The following B3GALNT2 variants were observed in gnomAD, a reference collection of about 807,000 sequenced individuals.
The protein encoded by B3GALNT2 is beta-1,3-N-acetylgalactosaminyltransferase 2.
A neutral mutation model predicts 61.1 loss-of-function variants in B3GALNT2; 53 were observed. The observed-to-expected ratio is 0.87, with a 90% CI of 0.70 to 1.09. B3GALNT2 has a LOEUF of 1.09. Among genes scored for constraint, B3GALNT2 ranks in the 50% least tolerant of loss-of-function variants. The pLI, the probability that B3GALNT2 is intolerant of heterozygous loss-of-function variation, is 0.00. For missense variants in B3GALNT2, 544 were observed against 623.0 expected (o/e 0.87, Z 1.35); for synonymous variants, 223 against 237.4 (o/e 0.94, Z 0.56).
chr1:235,458,461 G>A lies in B3GALNT2; in HGVS notation c.1025+142C>T, dbSNP rs1683267104. On this transcript the variant is annotated intron_variant, in intron 8 of 11. Transcript: ENST00000366600. ...CCTACTCAGGAGGCTAAGGCAGGAGGTTTGCCTGCACTCAGGAGTTCAAGA... is the reference window on the plus strand; with the variant it reads ...CCTACTCAGGAGGCTAAGGCAGGAGATTTGCCTGCACTCAGGAGTTCAAGA... The A allele has an allele frequency of 4.8e-6, 5 of 1,051,426 alleles. No individual in the cohort carries two copies. The Admixed American group carries it at 1.4e-4, about 30-fold the overall frequency. The allele number at this position is 1,051,426 out of a possible 1,614,324, so 65.1% of individuals were successfully genotyped here. A position where few individuals can be genotyped will look rare whatever the true frequency, so the allele number is the denominator to read the frequency against.
intron 10 of B3GALNT2, 83 bp from the exon 11 acceptor site, chr1:235,453,229 TA>T: frequency 7.6e-7 from 1 of 1,323,894 alleles, no homozygotes; most frequent in East Asian, 2.3e-5. Context: ...ACTCCCATCA[TA>T]AACCACCTTT....
chr1:235,503,048 A>ATTAGATTGTTTT (rs1296916709), intron 1 of B3GALNT2, among the ~76,000 whole-genome samples: 1 of 152,262 alleles, frequency 6.6e-6, no homozygotes, highest in East Asian at 1.9e-4. Context: ...AGAGATTGTT[A>ATTAGATTGTTTT]CCAAAATAAC....
downstream of B3GALNT2, among the ~76,000 whole-genome samples, chr1:235,445,987 A>G (rs933933096): frequency 6.6e-6 from 1 of 152,128 alleles, no homozygotes; most frequent in Non-Finnish European, 1.5e-5. Context: ...GTGGCTATTT[A>G]AATTCATTAA....
At chr1:235,467,634 C>T (rs1267614486) in intron 6 of B3GALNT2, among the ~76,000 whole-genome samples, 1 of 151,356 alleles carries the variant, frequency 6.6e-6, no homozygotes, top group Non-Finnish European at 1.5e-5. Flanking sequence ...CGCCTGCCAG[C>T]ACACCTGGCT....
At position 235,449,381 on chromosome 1, in the gene B3GALNT2, G is replaced by C. The variant is rs1682754568; in HGVS notation, c.*825C>G. 1 of 153,236 alleles carries C rather than the reference G, an allele frequency of 6.5e-6. No individual in the cohort carries two copies. Among genetic ancestry groups the C allele is most frequent in the Non-Finnish European group, 1.5e-5 (1 of 68,786 alleles). The allele number at this position is 153,236 out of a possible 1,614,324, so 9.5% of individuals were successfully genotyped here. ...ATTAGGTAAACATTAGGCAATGATAGGAGGAAAGCAAAACTAATTCTTTCA... is the reference window on the plus strand; with the variant it reads ...ATTAGGTAAACATTAGGCAATGATACGAGGAAAGCAAAACTAATTCTTTCA... On this transcript the variant is annotated 3_prime_UTR_variant, in exon 12 of 12. Transcript: ENST00000366600.
At chr1:235,486,895 G>T (rs113048650) in intron 3 of B3GALNT2, among the ~76,000 whole-genome samples, 1 of 152,160 alleles carries the variant, frequency 6.6e-6, no homozygotes, top group Non-Finnish European at 1.5e-5. Context: ...GAGGCCAGGC[G>T]TGGTGGCTCA....
At chr1:235,495,650 C>G (rs1314996440) in intron 1 of B3GALNT2, among the ~76,000 whole-genome samples, 1 of 152,050 alleles carries the variant, frequency 6.6e-6, no homozygotes, top group Non-Finnish European at 1.5e-5. Flanking sequence ...CCTTAGAAGA[C>G]AGAAGAGAAA....
Position 235,449,095 on chromosome 1 carries a change from T to A in B3GALNT2, c.*1111A>T. 1 of 303,446 alleles carries A rather than the reference T, an allele frequency of 3.3e-6. No homozygotes were observed. The highest frequency in any genetic ancestry group is 2.2e-5 in the African/African-American group (1 of 45,672). 18.8% of individuals were successfully genotyped at this position (303,446 alleles called of 1,614,324 possible). On this transcript the variant is annotated 3_prime_UTR_variant, in exon 12 of 12. Coordinates refer to ENST00000366600, the MANE Select transcript of B3GALNT2 (RefSeq NM_152490.5). ...ATCTGAACACAGTTAATATCTGTCA[T>A]AAGACTAGTTTTAATGGAATTCTCT...
At chr1:235,492,852 G>A (rs1336000064) in intron 2 of B3GALNT2, among the ~76,000 whole-genome samples, 2 of 152,178 alleles carry the variant, frequency 1.3e-5, no homozygotes, top group African/African-American at 4.8e-5. Context: ...AAATGCAAAG[G>A]CCCTGAGGTA....
chr1:235,460,730 T>C (rs1019790724), intron 7 of B3GALNT2, among the ~76,000 whole-genome samples: 23 of 151,918 alleles, frequency 1.5e-4, no homozygotes, highest in African/African-American at 5.3e-4. Flanking sequence ...CCTGTCACCA[T>C]ACCCAGGAAA....
Position 235,455,590 on chromosome 1 carries a change from TC to T in B3GALNT2, c.1119del (p.Asn374IlefsTer14). 1 of 1,612,298 alleles carries T rather than the reference TC, an allele frequency of 6.2e-7. No individual in the cohort carries two copies. Among genetic ancestry groups the T allele is most frequent in the Non-Finnish European group, 8.5e-7 (1 of 1,178,324 alleles). On this transcript the variant is annotated frameshift_variant, in exon 9 of 12. Coordinates refer to ENST00000366600, the MANE Select transcript of B3GALNT2 (RefSeq NM_152490.5). LOFTEE classifies it high-confidence loss of function. ...CACCAAAAATTAGGCCCATCCAGATTCTTTTGGACAATCCTATTAAATACAG... is the reference window on the plus strand; with the variant it reads ...CACCAAAAATTAGGCCCATCCAGATTTTTTGGACAATCCTATTAAATACAG... ...LEAVFNRIVQ[K>X]NLDGPNFWWG...
Position 235,489,259 on chromosome 1 carries a change from C to G in B3GALNT2, c.270G>C (p.Val90=). 1 of 1,613,704 alleles carries G rather than the reference C, an allele frequency of 6.2e-7. No homozygotes were observed. The highest frequency in any genetic ancestry group is 1.1e-5 in the South Asian group (1 of 91,040). The change falls in exon 3 of 12, where the codon GTG becomes GTC. Residue 90 remains valine (V), a synonymous_variant. Coordinates refer to ENST00000366600, the MANE Select transcript of B3GALNT2 (RefSeq NM_152490.5). Reference sequence around the variant, plus strand: ...AGCCATGAGCACCTATTATGAACTTCACAAGCACACTGAGAGATGTGTTGG... The same window carrying G: ...AGCCATGAGCACCTATTATGAACTTGACAAGCACACTGAGAGATGTGTTGG... The part of the protein sequence containing the change: ...QHPTLSQRVL[V]KFIIGAHGCE...
rs1265024658 is a variant in B3GALNT2, at chr1:235,447,401, A to G, written c.*2805T>C. Among the ~76,000 whole-genome samples the G allele has an allele frequency of 6.6e-6, 1 of 152,218 alleles. No individual in the cohort carries two copies. Among genetic ancestry groups the G allele is most frequent in the Admixed American group, 6.5e-5 (1 of 15,276 alleles). ...ATTTCTTATAATCAAAATATCCACT[A>G]TTTACCACAACCCGTCTTTGGAAAG... On this transcript the variant is annotated 3_prime_UTR_variant, in exon 12 of 12. Transcript: ENST00000366600.
intron 10 of B3GALNT2, among the ~76,000 whole-genome samples, chr1:235,453,460 C>CTT (rs1175498989): frequency 1.4e-5 from 2 of 145,302 alleles, no homozygotes; most frequent in East Asian, 2.0e-4. Context: ...AGGGACTATA[C>CTT]TTTTTTTTTT....
chr1:235,454,412 C>A, intron 9 of B3GALNT2, 97 bp from the exon 10 acceptor site: 1 of 1,176,620 alleles, frequency 8.5e-7, no homozygotes, highest in Non-Finnish European at 1.2e-6. Flanking sequence ...AAGGAATAAG[C>A]TTGTAGAAGT....
At chr1:235,463,518 A>C (rs1470535171) in intron 7 of B3GALNT2, 1 of 151,242 alleles carries the variant, frequency 6.6e-6, no homozygotes, top group Non-Finnish European at 1.5e-5. Context: ...AGAATAGCCA[A>C]TCAAGCTTGA....
rs568171248 is a variant in B3GALNT2 at position 235,476,151 on chromosome 1, T to A, written c.651+3903A>T. Among the ~76,000 whole-genome samples the A allele has an allele frequency of 4.6e-5, 7 of 152,302 alleles. No individual in the cohort carries two copies. The South Asian group carries it at 1.5e-3, about 32-fold the overall frequency. Reference sequence around the variant, plus strand: ...GGCCAGGCGCAGTGGCTCATGCCTGTAATCCCAGCACTTTGGGAGGCCAAG... The same window carrying A: ...GGCCAGGCGCAGTGGCTCATGCCTGAAATCCCAGCACTTTGGGAGGCCAAG... On this transcript the variant is annotated intron_variant, in intron 5 of 11. Coordinates refer to ENST00000366600, the MANE Select transcript of B3GALNT2 (RefSeq NM_152490.5).
chr1:235,478,729 T>C (rs145779526), intron 5 of B3GALNT2, among the ~76,000 whole-genome samples: 1 of 152,294 alleles, frequency 6.6e-6, no homozygotes, highest in Non-Finnish European at 1.5e-5. Context: ...TTACAAATAA[T>C]AGAGCACATC....
At chr1:235,476,120 C>T (rs1472150261) in intron 5 of B3GALNT2, among the ~76,000 whole-genome samples, 1 of 152,088 alleles carries the variant, frequency 6.6e-6, no homozygotes, top group Non-Finnish European at 1.5e-5. Flanking sequence ...AATAACTAGA[C>T]CTGGTGGCCA....
Sources: gnomAD v4.1 joint callset for allele counts (sites outside exome capture counted in the v4.1 genomes callset) on GRCh38, gnomAD v4.1.1 for gene constraint, MANE v1.5 for transcripts, NCBI Gene and HGNC (gene_info 2026-07-23, HGNC 2026-07-21) for gene names.